The following TUBD1 variants were observed in gnomAD, a reference collection of about 807,000 sequenced individuals.
TUBD1 encodes tubulin delta chain.
In TUBD1, 38 loss-of-function variants were observed where a neutral mutation model predicts 51.2. The observed-to-expected ratio is 0.74, with a 90% CI of 0.57 to 0.97. The LOEUF is 0.97. TUBD1 is among the 50% of genes least tolerant of loss of function. TUBD1 has a pLI of 0.00. For synonymous variants in TUBD1, 169 were observed against 178.2 expected, an observed-to-expected ratio of 0.95 and a Z score of 0.41; for missense variants, 489 against 538.4, an observed-to-expected ratio of 0.91 and a Z score of 0.91.
At chr17:59,885,187 G>A (rs577569399) in intron 3 of TUBD1, 5 of 422,996 alleles carry the variant, frequency 1.2e-5, no homozygotes, top group South Asian at 9.4e-5. Context: ...TATAACATGT[G>A]TGTGGGAGAC....
At chr17:59,891,625 T>A (rs1287470834) in intron 1 of TUBD1, among the ~76,000 whole-genome samples, 1 of 152,088 alleles carries the variant, frequency 6.6e-6, no homozygotes, top group East Asian at 1.9e-4. Flanking sequence ...ATCACTTTTT[T>A]CCTAAACATA....
intron 4 of TUBD1, chr17:59,878,803 C>T (rs2040346144): frequency 6.2e-6 from 1 of 162,050 alleles, no homozygotes; most frequent in African/African-American, 2.4e-5. Flanking sequence ...TAATGGCTTC[C>T]TAGAACTGTA....
chr17:59,880,454 AC>A (rs2040432304), intron 4 of TUBD1, among the ~76,000 whole-genome samples: 1 of 152,128 alleles, frequency 6.6e-6, no homozygotes, highest in East Asian at 1.9e-4. Context: ...ATATTAAATA[AC>A]CATTCTGGAA....
Position 59,860,359 on chromosome 17 carries a change from G to A in TUBD1, c.1325C>T (p.Ser442Leu). The A allele has an allele frequency of 6.2e-7, 1 of 1,612,436 alleles. No individual in the cohort carries two copies. Among genetic ancestry groups the A allele is most frequent in the Non-Finnish European group, 8.5e-7 (1 of 1,179,448 alleles). Residue 442 changes from serine to leucine, a missense_variant, in exon 9 of 9, where the codon TCA becomes TTA. Coordinates refer to ENST00000325752, the MANE Select transcript of TUBD1 (RefSeq NM_016261.4). ...GTAACTGGCAACAACCTGCTCTAAT[G>A]ACGTGAAACTGTCTAAAAAGTCCTC... ...EEEDFLDSFTSLEQVVASYCN... is the reference protein window; with the variant it reads ...EEEDFLDSFTLLEQVVASYCN...
intron 2 of TUBD1, 173 bp from the exon 3 acceptor site, chr17:59,886,403 CATATGCAG>C (rs2040728676): frequency 3.2e-6 from 2 of 634,334 alleles, no homozygotes; most frequent in African/African-American, 1.8e-5. Context: ...CAGCAGCAGG[CATATGCAG>C]ATGTTCACCA....
chr17:59,877,910 A>G (rs62081831), intron 5 of TUBD1, among the ~76,000 whole-genome samples, 193 bp downstream of exon 5: 276 of 152,276 alleles, frequency 1.8e-3, no homozygotes, highest in Admixed American at 4.1e-3. Flanking sequence ...AGCAGTGGAT[A>G]CCCACTGCCC....
Position 59,861,856 on chromosome 17 carries a change from C to T in TUBD1, c.1260-1432G>A, listed in dbSNP as rs536226378. The stretch of plus-strand genomic sequence containing the variant: ...CTGTTTTTTGTGTTTTTAGTAGAGA[C>T]GGGGTTTCACCATGTTGGCCAGGCT... On this transcript the variant is annotated intron_variant, in intron 8 of 8. Transcript: ENST00000325752. 1.8e-4 allele frequency among the ~76,000 whole-genome samples: 26 copies of T among 147,512 alleles called. No homozygotes were observed. In the Middle Eastern group the frequency reaches 0.011, roughly 62 times the overall value.
intron 4 of TUBD1, 131 bp from the exon 5 acceptor site, chr17:59,878,465 T>A (rs2040326707): frequency 1.6e-6 from 1 of 635,552 alleles, no homozygotes; most frequent in African/African-American, 1.8e-5. Context: ...TTGGACAAGT[T>A]TTTTAATCTC....
chr17:59,888,757 C>T (rs1362880887), intron 2 of TUBD1, among the ~76,000 whole-genome samples: 2 of 150,496 alleles, frequency 1.3e-5, no homozygotes, highest in African/African-American at 2.4e-5. Flanking sequence ...GACGGAGTTT[C>T]GCTCTTGTCA....
At chr17:59,864,772 G>T (rs991483474) in intron 7 of TUBD1, among the ~76,000 whole-genome samples, 5 of 150,940 alleles carry the variant, frequency 3.3e-5, no homozygotes, top group African/African-American at 1.2e-4. Context: ...GGGATTACAG[G>T]TGAGAGCCAC....
chr17:59,863,241 C>T (rs1229872029), intron 8 of TUBD1, among the ~76,000 whole-genome samples: 2 of 152,156 alleles, frequency 1.3e-5, no homozygotes, highest in African/African-American at 4.8e-5. Context: ...GGCTTCATAC[C>T]TTCACACCTA....
At chr17:59,885,132 T>G in intron 3 of TUBD1, 1 of 341,258 alleles carries the variant, frequency 2.9e-6, no homozygotes, top group Non-Finnish European at 5.7e-6. Context: ...GCTCTCAGGG[T>G]CCTATCCTAG....
intron 3 of TUBD1, among the ~76,000 whole-genome samples, chr17:59,883,978 T>C (rs999607598): frequency 6.6e-6 from 1 of 151,812 alleles, no homozygotes; most frequent in African/African-American, 2.4e-5. Context: ...GTGCTGCACA[T>C]GGCTGGGCAC....
chr17:59,887,975 C>T (rs1475472456), intron 2 of TUBD1, among the ~76,000 whole-genome samples: 1 of 151,560 alleles, frequency 6.6e-6, no homozygotes, highest in Non-Finnish European at 1.5e-5. Flanking sequence ...CGCTCTGTCC[C>T]GCAGGCTGGA....
At chr17:59,886,275 T>G (rs1275254673) in intron 2 of TUBD1, 45 bp from the exon 3 acceptor site, 11 of 1,564,262 alleles carry the variant, frequency 7.0e-6, no homozygotes, top group Non-Finnish European at 9.5e-6. Context: ...AAAAAAAGAT[T>G]TATTATGTCT....
intron 6 of TUBD1, among the ~76,000 whole-genome samples, chr17:59,868,158 C>A (rs1666561396): frequency 6.9e-6 from 1 of 144,624 alleles, no homozygotes; most frequent in East Asian, 2.0e-4. Context: ...GTGGCAGGTG[C>A]CTATAATCTC....
In TUBD1 at chr17:59,891,021, T is replaced by TACACCTA; in HGVS notation, c.-20_-19insTAGGTGT. 6.3e-7 allele frequency: 1 copy of TACACCTA among 1,594,156 alleles called. No homozygotes were observed. On this transcript the variant is annotated 5_prime_UTR_variant, in exon 2 of 9. Transcript: ENST00000325752. ...TTGACATGCTGAGCCACAAACTAGG[T>TACACCTA]GTATTACCTCTAAAAACAACCTGTA...
chr17:59,874,398 G>T, intron 6 of TUBD1, 141 bp downstream of exon 6: 1 of 707,486 alleles, frequency 1.4e-6, no homozygotes, highest in Non-Finnish European at 2.3e-6. Flanking sequence ...CTCCTAAGAT[G>T]TCCTGGTGAG....
At chr17:59,882,618 G>T (rs539920718) in intron 3 of TUBD1, among the ~76,000 whole-genome samples, 8 of 151,898 alleles carry the variant, frequency 5.3e-5, no homozygotes, top group African/African-American at 1.2e-4. Context: ...TCCTTTTTGA[G>T]TTAGGGTCTT....
Sources: gnomAD v4.1 joint callset for allele counts (sites outside exome capture counted in the v4.1 genomes callset) on GRCh38, gnomAD v4.1.1 for gene constraint, MANE v1.5 for transcripts, NCBI Gene and HGNC (gene_info 2026-07-23, HGNC 2026-07-21) for gene names.